TRDN: variants seen among roughly 807,000 people sequenced by gnomAD.
The protein encoded by TRDN is triadin in skeletal muscle.
A neutral mutation model predicts 149.7 loss-of-function variants in TRDN; 161 were observed. The observed-to-expected ratio is 1.08, with a 90% CI of 0.95 to 1.23. The LOEUF (loss-of-function observed/expected upper bound fraction) is 1.23, where lower values mean the gene tolerates loss of function less well. Among genes scored for constraint, TRDN ranks in the 50% most tolerant of loss-of-function variants. The pLI is 0.00. For missense variants in TRDN, 896 were observed against 823.5 expected (o/e 1.09, Z -1.08); for synonymous variants, 294 against 250.5 (o/e 1.17, Z -1.64).
chr6:123,440,596 A>G (rs1467796318), intron 10 of TRDN, among the ~76,000 whole-genome samples: 2 of 152,314 alleles, frequency 1.3e-5, no homozygotes, highest in African/African-American at 4.8e-5. Context: ...TTAAAATACA[A>G]ATGACTTGTA....
chr6:123,458,259 C>A (rs571785720), intron 10 of TRDN, among the ~76,000 whole-genome samples: 1 of 152,264 alleles, frequency 6.6e-6, no homozygotes, highest in Admixed American at 6.5e-5. Context: ...TTTGTGATAG[C>A]TAATTTTATG....
chr6:123,239,862 A>C (rs1223414632), intron 38 of TRDN, among the ~76,000 whole-genome samples: 2 of 152,082 alleles, frequency 1.3e-5, no homozygotes, highest in African/African-American at 2.4e-5. Context: ...AAAAACCTCA[A>C]ATAAATGGGA....
chr6:123,424,066 A>G (rs1190830870), intron 12 of TRDN, among the ~76,000 whole-genome samples: 1 of 152,092 alleles, frequency 6.6e-6, no homozygotes, highest in Non-Finnish European at 1.5e-5. Context: ...GAAATGCCAG[A>G]GGAAAATTAT....
intron 20 of TRDN, among the ~76,000 whole-genome samples, chr6:123,356,305 T>C (rs1323660697): frequency 1.3e-5 from 2 of 151,434 alleles, no homozygotes; most frequent in African/African-American, 4.8e-5. Context: ...TGTGATGAAT[T>C]ATATCAAATG....
intron 1 of TRDN, among the ~76,000 whole-genome samples, chr6:123,587,996 A>G (rs1368738400): frequency 6.6e-6 from 1 of 152,212 alleles, no homozygotes; most frequent in Non-Finnish European, 1.5e-5. Context: ...GCTTGGGCTC[A>G]GAGGCCTGAC....
At chr6:123,495,234 T>TG (rs1362074441) in intron 9 of TRDN, among the ~76,000 whole-genome samples, 2 of 151,902 alleles carry the variant, frequency 1.3e-5, no homozygotes, top group Non-Finnish European at 2.9e-5. Context: ...TTATAATTTT[T>TG]TTTGCCAGTT....
intron 5 of TRDN, among the ~76,000 whole-genome samples, chr6:123,525,608 G>A (rs899399272): frequency 1.1e-4 from 17 of 152,054 alleles, no homozygotes; most frequent in African/African-American, 4.1e-4. Flanking sequence ...GAATATTTGG[G>A]TGATGGACAC....
intron 26 of TRDN, among the ~76,000 whole-genome samples, chr6:123,276,738 A>G (rs150901006): frequency 2.0e-3 from 308 of 152,308 alleles, no homozygotes; most frequent in African/African-American, 7.1e-3. Flanking sequence ...ACGCCCCATG[A>G]ATTGAATGTG....
chr6:123,366,290 G>C lies in TRDN; in HGVS notation c.1274-108C>G. ...AAGATAAAATGTATGTTGCACATGA[G>C]AGCAAAGCAAGCTGTAGAGAAAGCC... On this transcript the variant is annotated intron_variant, in intron 19 of 40. Transcript: ENST00000334268. The C allele has an allele frequency of 3.0e-6, 3 of 996,410 alleles. No individual in the cohort carries two copies. In the South Asian group the frequency reaches 5.0e-5, roughly 17 times the overall value. The allele number at this position is 996,410 out of a possible 1,614,324, so 61.7% of individuals were successfully genotyped here.
chr6:123,548,651 T>C lies in TRDN; in HGVS notation c.233-39A>G, dbSNP rs1323400594. On this transcript the variant is annotated intron_variant, in intron 2 of 40. Transcript: ENST00000334268. Reference sequence around the variant, plus strand: ...AAAAAAAAAAAAAAGAAAAAGTTTGTGATCATTTCCAAATAACTTAAGAAA... The same window carrying C: ...AAAAAAAAAAAAAAGAAAAAGTTTGCGATCATTTCCAAATAACTTAAGAAA... 4.6e-6 allele frequency: 6 copies of C among 1,312,960 alleles called. No homozygotes were observed. In the African/African-American group the frequency reaches 9.2e-5, roughly 20 times the overall value. The allele number at this position is 1,312,960 out of a possible 1,614,324, so 81.3% of individuals were successfully genotyped here. A position where few individuals can be genotyped will look rare whatever the true frequency, so the allele number is the denominator to read the frequency against.
At position 123,291,750 on chromosome 6, in the gene TRDN, A is replaced by G. The variant is rs184200054; in HGVS notation, c.1511-12668T>C. 3.7e-3 allele frequency among the ~76,000 whole-genome samples: 560 copies of G among 152,324 alleles called. 2 individuals carry two copies. Among genetic ancestry groups the G allele is most frequent in the Non-Finnish European group, 5.4e-3 (369 of 68,040 alleles). ...ACTTTTTACAAATGGCCTAAATATCAAAATCAAATTTTCTAAAGGTATTAA... is the reference window on the plus strand; with the variant it reads ...ACTTTTTACAAATGGCCTAAATATCGAAATCAAATTTTCTAAAGGTATTAA... On this transcript the variant is annotated intron_variant, in intron 24 of 40. Coordinates refer to ENST00000334268, the MANE Select transcript of TRDN (RefSeq NM_006073.4).
chr6:123,391,239 G>A (rs931473142), intron 13 of TRDN, among the ~76,000 whole-genome samples: 2 of 152,044 alleles, frequency 1.3e-5, no homozygotes, highest in Non-Finnish European at 2.9e-5. Context: ...TTCATCCACT[G>A]AAGAATGAAT....
intron 12 of TRDN, among the ~76,000 whole-genome samples, chr6:123,423,616 A>G (rs1239354247): frequency 1.3e-5 from 2 of 152,178 alleles, no homozygotes; most frequent in Non-Finnish European, 2.9e-5. Context: ...AAATACAAAC[A>G]TAAACTAACT....
Position 123,373,238 on chromosome 6 carries a change from G to A in TRDN, c.1273+2367C>T, listed in dbSNP as rs9482380. ...GGCAAGTCTTCCCTATGCTGTTCTCGTGATAGTGAATAAGTCTCACAAGAG... is the reference window on the plus strand; with the variant it reads ...GGCAAGTCTTCCCTATGCTGTTCTCATGATAGTGAATAAGTCTCACAAGAG... On this transcript the variant is annotated intron_variant, in intron 19 of 40. Transcript: ENST00000334268. Among the ~76,000 whole-genome samples the A allele has an allele frequency of 7.5e-3, 1,145 of 152,196 alleles. 13 individuals carry two copies. The highest frequency in any genetic ancestry group is 0.025 in the African/African-American group (1,047 of 41,522).
chr6:123,357,215 G>T (rs889974491), intron 20 of TRDN, among the ~76,000 whole-genome samples: 6 of 151,770 alleles, frequency 4.0e-5, no homozygotes, highest in African/African-American at 1.5e-4. Context: ...ATCTAGAATT[G>T]TTCCTAACAT....
chr6:123,574,637 A>G (rs1305513558), intron 1 of TRDN, among the ~76,000 whole-genome samples: 1 of 151,802 alleles, frequency 6.6e-6, no homozygotes, highest in East Asian at 1.9e-4. Flanking sequence ...AAGCCTTCCT[A>G]CTACCACTAA....
At chr6:123,345,078 T>C (rs1432208824) in intron 21 of TRDN, among the ~76,000 whole-genome samples, 1 of 152,032 alleles carries the variant, frequency 6.6e-6, no homozygotes, top group African/African-American at 2.4e-5. Context: ...TTTTCTTTCA[T>C]GGACTTTGTC....
At chr6:123,391,976 T>A (rs951212230) in intron 13 of TRDN, among the ~76,000 whole-genome samples, 2 of 152,114 alleles carry the variant, frequency 1.3e-5, no homozygotes, top group Non-Finnish European at 2.9e-5. Flanking sequence ...ATGGAGGATT[T>A]GCAAAGACGC....
rs1278217321 is a variant in TRDN at position 123,533,923 on chromosome 6, G to A, written c.425-3358C>T. ...AAAAATGGCAATTTATTTCAGAGCA[G>A]TTATTTTTTACTCTATGGTAAGCAG... On this transcript the variant is annotated intron_variant, in intron 4 of 40. Coordinates refer to ENST00000334268, the MANE Select transcript of TRDN (RefSeq NM_006073.4). 2.0e-5 allele frequency among the ~76,000 whole-genome samples: 3 copies of A among 152,120 alleles called. No individual in the cohort carries two copies. In the East Asian group the frequency reaches 5.8e-4, roughly 29 times the overall value.
Sources: gnomAD v4.1 joint callset for allele counts (sites outside exome capture counted in the v4.1 genomes callset) on GRCh38, gnomAD v4.1.1 for gene constraint, MANE v1.5 for transcripts, NCBI Gene and HGNC (gene_info 2026-07-23, HGNC 2026-07-21) for gene names.